Variants in EML4 observed in about 807,000 individuals in gnomAD.
The protein encoded by EML4 is EMAP like 4.
Under a neutral mutation model 129.0 loss-of-function variants are expected in EML4, and 72 were observed. That is an observed-to-expected ratio of 0.56 (90% CI 0.46 to 0.68). EML4 has a LOEUF of 0.68. EML4 is among the 30% of genes least tolerant of loss of function. The pLI is 0.00. For synonymous variants in EML4, 532 were observed against 405.0 expected, an observed-to-expected ratio of 1.31 and a Z score of -3.77; for missense variants, 1,363 against 1,190.6, an observed-to-expected ratio of 1.14 and a Z score of -2.13.
At chr2:42,255,703 T>C (rs1017173815) in intron 2 of EML4, among the ~76,000 whole-genome samples, 4 of 152,196 alleles carry the variant, frequency 2.6e-5, no homozygotes, top group Non-Finnish European at 5.9e-5. Context: ...CTGCTTCCTG[T>C]CTTCTAATTC....
intron 1 of EML4, among the ~76,000 whole-genome samples, chr2:42,209,014 A>T (rs1025070985): frequency 6.6e-6 from 1 of 152,126 alleles, no homozygotes; most frequent in Non-Finnish European, 1.5e-5. Context: ...TTATGGTTTT[A>T]TCCCCTAAGA....
chr2:42,301,477 G>T, intron 14 of EML4, 85 bp downstream of exon 14: 5 of 1,064,972 alleles, frequency 4.7e-6, no homozygotes, highest in Non-Finnish European at 6.4e-6. Context: ...ATACTTTTCT[G>T]GCAAACTTAT....
At chr2:42,254,765 C>G (rs1396892021) in intron 2 of EML4, among the ~76,000 whole-genome samples, 2 of 152,060 alleles carry the variant, frequency 1.3e-5, no homozygotes, top group Non-Finnish European at 2.9e-5. Flanking sequence ...ACAACCGTGA[C>G]TCAGCAGTTC....
chr2:42,263,781 G>A (rs1665882758), intron 5 of EML4, among the ~76,000 whole-genome samples: 1 of 151,858 alleles, frequency 6.6e-6, no homozygotes, highest in Admixed American at 6.6e-5. Flanking sequence ...CCAGGCTGGA[G>A]TGCAGTGGCA....
Position 42,245,570 on chromosome 2 carries a change from G to A in EML4, c.91G>A (p.Val31Ile), listed in dbSNP as rs749017888. The A allele has an allele frequency of 3.1e-6, 5 of 1,613,858 alleles. No individual in the cohort carries two copies. Among genetic ancestry groups the A allele is most frequent in the South Asian group, 1.1e-5 (1 of 91,072 alleles). Residue 31 changes from valine to isoleucine, a missense_variant, in exon 2 of 23, where the codon GTT (valine) becomes ATT (isoleucine). Val to Ile is a conservative substitution (Grantham distance 29, BLOSUM62 3). Coordinates refer to ENST00000318522, the MANE Select transcript of EML4 (RefSeq NM_019063.5). ...TCGCCTGTCAGCTCTTGAGTCACGAGTTCAGCAACAAGAAGATGAAATCAC... is the reference window on the plus strand; with the variant it reads ...TCGCCTGTCAGCTCTTGAGTCACGAATTCAGCAACAAGAAGATGAAATCAC... ...QDRLSALESR[V>I]QQQEDEITVL...
intron 17 of EML4, among the ~76,000 whole-genome samples, chr2:42,310,029 G>C (rs983088180): frequency 1.2e-4 from 19 of 152,122 alleles, no homozygotes; most frequent in African/African-American, 4.6e-4. Flanking sequence ...CCCAGTAGGT[G>C]TCCAACTTCA....
At chr2:42,266,780 GTC>G (rs1237571456) in intron 6 of EML4, among the ~76,000 whole-genome samples, 1 of 151,972 alleles carries the variant, frequency 6.6e-6, no homozygotes, top group Non-Finnish European at 1.5e-5. Context: ...GAATGACAAT[GTC>G]TCTGAGTGGT....
intron 19 of EML4, among the ~76,000 whole-genome samples, chr2:42,322,214 G>C (rs960562963): frequency 2.0e-5 from 3 of 152,154 alleles, no homozygotes; most frequent in African/African-American, 7.2e-5. Flanking sequence ...TTCTCTACCT[G>C]TATTTTCCAA....
At chr2:42,321,762 A>G (rs1307831786) in intron 19 of EML4, among the ~76,000 whole-genome samples, 1 of 152,220 alleles carries the variant, frequency 6.6e-6, no homozygotes, top group African/African-American at 2.4e-5. Context: ...TCTAGTCACT[A>G]GGTAAAGACC....
intron 2 of EML4, among the ~76,000 whole-genome samples, chr2:42,252,185 A>G (rs896596791): frequency 6.6e-6 from 1 of 152,228 alleles, no homozygotes; most frequent in African/African-American, 2.4e-5. Context: ...GTTAGTCTAC[A>G]TACAGTACAC....
At chr2:42,255,860 T>A (rs769825534) in intron 2 of EML4, among the ~76,000 whole-genome samples, 23 of 152,328 alleles carry the variant, frequency 1.5e-4, no homozygotes, top group Admixed American at 7.2e-4. Context: ...AGATATTACT[T>A]GTGTGCACGT....
chr2:42,317,681 C>T (rs7558501), intron 19 of EML4, among the ~76,000 whole-genome samples, 157 bp downstream of exon 19: 68,177 of 152,016 alleles, frequency 0.45, 15,949 homozygotes, highest in East Asian at 0.73. Context: ...AGCAGAACAT[C>T]AGAGTTCCCT....
At chr2:42,210,040 C>A (rs1294922046) in intron 1 of EML4, among the ~76,000 whole-genome samples, 1 of 152,098 alleles carries the variant, frequency 6.6e-6, no homozygotes, top group Non-Finnish European at 1.5e-5. Flanking sequence ...TCCACACACA[C>A]CCCCCATTCC....
chr2:42,221,958 A>C (rs1673633235), intron 1 of EML4, among the ~76,000 whole-genome samples: 1 of 151,666 alleles, frequency 6.6e-6, no homozygotes, highest in Admixed American at 6.6e-5. Context: ...GTGGTCTCGA[A>C]CTCCTGGGCT....
At chr2:42,172,784 A>G (rs1352023065) in intron 1 of EML4, among the ~76,000 whole-genome samples, 2 of 152,168 alleles carry the variant, frequency 1.3e-5, no homozygotes, top group Non-Finnish European at 2.9e-5. Flanking sequence ...TCTATGTGCA[A>G]AAGTGGGAAG....
intron 1 of EML4, among the ~76,000 whole-genome samples, chr2:42,185,832 A>G (rs985838827): frequency 1.3e-5 from 2 of 152,212 alleles, no homozygotes; most frequent in Admixed American, 6.5e-5. Context: ...ATCAGTGTGG[A>G]GTTTTTGCAG....
chr2:42,179,455 A>G (rs1424255545), intron 1 of EML4, among the ~76,000 whole-genome samples: 1 of 152,138 alleles, frequency 6.6e-6, no homozygotes. Flanking sequence ...TAAGTATTGC[A>G]TTAATGTTTA....
At chr2:42,236,446 G>A (rs1454020946) in intron 1 of EML4, among the ~76,000 whole-genome samples, 1 of 152,194 alleles carries the variant, frequency 6.6e-6, no homozygotes, top group Admixed American at 6.5e-5. Flanking sequence ...GAGACTGGGA[G>A]ACTGCCTGGG....
At chr2:42,222,152 A>G (rs1222513082) in intron 1 of EML4, among the ~76,000 whole-genome samples, 2 of 152,148 alleles carry the variant, frequency 1.3e-5, no homozygotes. Context: ...AGCCCTATTA[A>G]TAAAAATTAC....
Sources: gnomAD v4.1 joint callset for allele counts (sites outside exome capture counted in the v4.1 genomes callset) on GRCh38, gnomAD v4.1.1 for gene constraint, MANE v1.5 for transcripts, NCBI Gene and HGNC (gene_info 2026-07-23, HGNC 2026-07-21) for gene names.